Variants in ADK observed in about 807,000 individuals in gnomAD.
ADK encodes the protein adenosine kinase, also known as N6,N6-dimethyladenosine kinase.
In ADK, 24 loss-of-function variants were observed where a neutral mutation model predicts 44.7. The observed-to-expected ratio is 0.54, with a 90% CI of 0.39 to 0.76. ADK has a LOEUF of 0.76. ADK is among the 30% of genes least tolerant of loss of function. The pLI is 0.00. For missense variants in ADK, 321 were observed against 425.1 expected, an observed-to-expected ratio of 0.76 and a Z score of 2.15; for synonymous variants, 128 against 142.6, an observed-to-expected ratio of 0.90 and a Z score of 0.73.
chr10:74,588,912 T>C lies in ADK; in HGVS notation c.727-370T>C, dbSNP rs545031066. Among the ~76,000 whole-genome samples the C allele has an allele frequency of 4.6e-5, 7 of 152,334 alleles. No homozygotes were observed. The South Asian group carries it at 1.5e-3, about 32-fold the overall frequency. On this transcript the variant is annotated intron_variant, in intron 7 of 10. Coordinates refer to ENST00000539909, the MANE Select transcript of ADK (RefSeq NM_006721.4). ...AATTTATACATTTATTAGCAGGCATTCTTCTCTACATAAGAGCTTTTTGAG... is the reference window on the plus strand; with the variant it reads ...AATTTATACATTTATTAGCAGGCATCCTTCTCTACATAAGAGCTTTTTGAG...
At chr10:74,484,265 A>G (rs1006918489) in intron 6 of ADK, among the ~76,000 whole-genome samples, 1 of 152,148 alleles carries the variant, frequency 6.6e-6, no homozygotes, top group African/African-American at 2.4e-5. Flanking sequence ...AAGAGAGACA[A>G]GAGGGAGGTG....
intron 4 of ADK, among the ~76,000 whole-genome samples, chr10:74,383,568 C>A (rs1843046764): frequency 1.3e-5 from 2 of 152,094 alleles, no homozygotes. Context: ...ATTCTTGTAA[C>A]AAAAGACAGA....
chr10:74,244,215 C>T (rs980835551), intron 3 of ADK, among the ~76,000 whole-genome samples: 32 of 152,152 alleles, frequency 2.1e-4, no homozygotes, highest in Admixed American at 2.0e-3. Context: ...GCAGTTTTTT[C>T]AAAGAAGTAT....
intron 6 of ADK, among the ~76,000 whole-genome samples, chr10:74,496,333 G>A (rs1847686510): frequency 1.3e-5 from 2 of 152,164 alleles, no homozygotes; most frequent in Non-Finnish European, 2.9e-5. Context: ...GTCAAGGGTG[G>A]GACCAGGTGG....
At chr10:74,284,229 G>C (rs1188266998) in intron 3 of ADK, among the ~76,000 whole-genome samples, 1 of 151,674 alleles carries the variant, frequency 6.6e-6, no homozygotes, top group African/African-American at 2.4e-5. Flanking sequence ...CAAAGTGCTA[G>C]GATTACAGGC....
chr10:74,516,785 A>C (rs1161677151), intron 6 of ADK: 2 of 153,080 alleles, frequency 1.3e-5, no homozygotes, highest in Non-Finnish European at 2.9e-5. Flanking sequence ...CAGCCTCCCA[A>C]AGTGCTGGGA....
intron 7 of ADK, chr10:74,529,356 G>A (rs1414211286): frequency 6.6e-6 from 1 of 152,104 alleles, no homozygotes; most frequent in African/African-American, 2.4e-5. Flanking sequence ...ACCTGGGAGT[G>A]GGGTGGGGAG....
intron 6 of ADK, among the ~76,000 whole-genome samples, chr10:74,494,777 C>CT (rs1367244794): frequency 6.6e-6 from 1 of 152,166 alleles, no homozygotes; most frequent in East Asian, 1.9e-4. Flanking sequence ...ATTCTCCTGC[C>CT]TCAGCCTCCC....
intron 3 of ADK, among the ~76,000 whole-genome samples, chr10:74,240,372 T>TTGTGTGTGTGTGTG (rs142465407): frequency 0.021 from 3,142 of 147,202 alleles, 50 homozygotes; most frequent in Non-Finnish European, 0.028. Flanking sequence ...TCCTTTTATT[T>TTGTGTGTGTGTGTG]TGTGTGTGTG....
In ADK at chr10:74,220,140, AAAAG is replaced by A. The variant is rs1471782185; in HGVS notation, c.141-4391_141-4388del. ...ACCACTAGCAAGACTAATAAAGAAA[AAAAG>A]AAAGAAGAATCAAATAGACGCAATA... On this transcript the variant is annotated intron_variant, in intron 2 of 10. Coordinates refer to ENST00000539909, the MANE Select transcript of ADK (RefSeq NM_006721.4). 6.6e-5 allele frequency among the ~76,000 whole-genome samples: 10 copies of A among 152,270 alleles called. No homozygotes were observed. In the South Asian group the frequency reaches 1.4e-3, roughly 22 times the overall value.
chr10:74,699,915 CACTCTTACATT>C (rs1301482482), intron 10 of ADK, among the ~76,000 whole-genome samples: 1 of 152,092 alleles, frequency 6.6e-6, no homozygotes, highest in Non-Finnish European at 1.5e-5. Context: ...GGGAAATGGG[CACTCTTACATT>C]ACTAGTAGAA....
intron 7 of ADK, among the ~76,000 whole-genome samples, chr10:74,552,229 C>T (rs1015015517): frequency 6.6e-6 from 1 of 151,976 alleles, no homozygotes. Context: ...AATGTCTTAG[C>T]CCTTTCCACT....
rs547853118 is a variant in ADK, at chr10:74,586,746, C to G, written c.727-2536C>G. Reference sequence around the variant, plus strand: ...GCACACACCTGTAGTTCCAGCTACTCGGGAGGCTGAGGCAGGAGAATACCT... The same window carrying G: ...GCACACACCTGTAGTTCCAGCTACTGGGGAGGCTGAGGCAGGAGAATACCT... On this transcript the variant is annotated intron_variant, in intron 7 of 10. Coordinates refer to ENST00000539909, the MANE Select transcript of ADK (RefSeq NM_006721.4). Among the ~76,000 whole-genome samples the G allele has an allele frequency of 8.6e-5, 13 of 151,574 alleles. No individual in the cohort carries two copies. In the South Asian group the frequency reaches 2.1e-3, roughly 24 times the overall value.
chr10:74,527,376 A>C (rs577186984), intron 7 of ADK, among the ~76,000 whole-genome samples: 3,390 of 138,014 alleles, frequency 0.025, 53 homozygotes, highest in Admixed American at 0.036. Context: ...AACAAACAAA[A>C]AAAAAAAAAC....
intron 7 of ADK, among the ~76,000 whole-genome samples, chr10:74,527,252 T>A (rs1849083016): frequency 6.6e-6 from 1 of 151,908 alleles, no homozygotes; most frequent in Non-Finnish European, 1.5e-5. Flanking sequence ...TCCCAGCTAC[T>A]CGGGAGGCTG....
intron 4 of ADK, among the ~76,000 whole-genome samples, chr10:74,349,288 C>T (rs1393098900): frequency 6.6e-6 from 1 of 152,130 alleles, no homozygotes; most frequent in African/African-American, 2.4e-5. Flanking sequence ...GAATTTTCAA[C>T]CCAGAATTTC....
At chr10:74,594,019 A>T (rs548799241) in intron 8 of ADK, among the ~76,000 whole-genome samples, 2 of 152,200 alleles carry the variant, frequency 1.3e-5, no homozygotes, top group Non-Finnish European at 2.9e-5. Context: ...TTAGGAATCC[A>T]GTTCATGTTC....
chr10:74,620,509 A>G (rs1349508240), intron 9 of ADK, among the ~76,000 whole-genome samples: 2 of 152,120 alleles, frequency 1.3e-5, no homozygotes, highest in Non-Finnish European at 2.9e-5. Flanking sequence ...TTCTTTATCC[A>G]TTTATCTGTT....
At chr10:74,201,644 ATATGTATGTATG>A (rs10630238) in intron 2 of ADK, among the ~76,000 whole-genome samples, 2 of 89,600 alleles carry the variant, frequency 2.2e-5, no homozygotes, top group Non-Finnish European at 2.8e-5. Flanking sequence ...GTGTGTGTGT[ATATGTATGTATG>A]TATGTATGTA....
Sources: gnomAD v4.1 joint callset for allele counts (sites outside exome capture counted in the v4.1 genomes callset) on GRCh38, gnomAD v4.1.1 for gene constraint, MANE v1.5 for transcripts, NCBI Gene and HGNC (gene_info 2026-07-23, HGNC 2026-07-21) for gene names.